CSMD1: variants seen among roughly 807,000 people sequenced by gnomAD.
CSMD1 encodes the protein CUB and sushi domain-containing protein 1.
In CSMD1, 213 loss-of-function variants were observed where a neutral mutation model predicts 417.5. The ratio of observed to expected loss-of-function variants is 0.51; its 90% CI spans 0.46 to 0.57. The LOEUF is 0.57. CSMD1 is among the 20% of genes least tolerant of loss of function. The pLI, the probability that CSMD1 is intolerant of heterozygous loss-of-function variation, is 0.00. For synonymous variants in CSMD1, 2,862 were observed against 1,736.8 expected (o/e 1.65, Z -16.11); for missense variants, 6,923 against 4,529.7 (o/e 1.53, Z -15.17).
At chr8:4,597,329 T>C (rs531621945) in intron 2 of CSMD1, among the ~76,000 whole-genome samples, 40 of 152,254 alleles carry the variant, frequency 2.6e-4, no homozygotes, top group Non-Finnish European at 4.6e-4. Context: ...CCCTTTCAAA[T>C]AAGCAGGAGA....
At chr8:2,965,030 C>T (rs1803838064) in intron 59 of CSMD1, among the ~76,000 whole-genome samples, 1 of 152,142 alleles carries the variant, frequency 6.6e-6, no homozygotes, top group Non-Finnish European at 1.5e-5. Context: ...TCAAGCCCCT[C>T]TCTCCCCCTC....
At chr8:4,590,382 C>A (rs541914410) in intron 2 of CSMD1, among the ~76,000 whole-genome samples, 86 of 152,092 alleles carry the variant, frequency 5.7e-4, no homozygotes, top group African/African-American at 2.0e-3. Flanking sequence ...AATCAACATG[C>A]GAAGATACTG....
chr8:4,618,633 C>G (rs1326562366), intron 2 of CSMD1, among the ~76,000 whole-genome samples: 1 of 151,992 alleles, frequency 6.6e-6, no homozygotes, highest in Admixed American at 6.6e-5. Flanking sequence ...GAAATGAATG[C>G]CTTGGGAAAC....
At chr8:4,013,300 C>T (rs1009534696) in intron 4 of CSMD1, among the ~76,000 whole-genome samples, 2 of 152,148 alleles carry the variant, frequency 1.3e-5, no homozygotes, top group Admixed American at 6.5e-5. Context: ...ACTGCCGTTG[C>T]TCTATTCTTC....
At chr8:4,622,805 A>C (rs981091803) in intron 2 of CSMD1, among the ~76,000 whole-genome samples, 2 of 152,184 alleles carry the variant, frequency 1.3e-5, no homozygotes, top group African/African-American at 4.8e-5. Flanking sequence ...AAGAAGGCAC[A>C]AAAGGGAAAG....
intron 5 of CSMD1, among the ~76,000 whole-genome samples, chr8:3,809,828 G>C (rs914393203): frequency 2.0e-5 from 3 of 152,116 alleles, no homozygotes; most frequent in African/African-American, 7.2e-5. Flanking sequence ...TACTGAAAAC[G>C]CAAGAATGCA....
At chr8:3,170,246 G>C (rs776296691) in intron 37 of CSMD1, among the ~76,000 whole-genome samples, 11 of 151,834 alleles carry the variant, frequency 7.2e-5, no homozygotes, top group East Asian at 1.9e-4. Context: ...CTCGCTCTGT[G>C]GCCCAGGCTG....
intron 1 of CSMD1, among the ~76,000 whole-genome samples, chr8:4,975,819 C>CAA (rs1441203678): frequency 5.3e-4 from 78 of 147,286 alleles, no homozygotes; most frequent in African/African-American, 1.9e-3. Context: ...ATTTTTTTTG[C>CAA]AATAATAGAA....
intron 5 of CSMD1, among the ~76,000 whole-genome samples, chr8:3,910,843 A>G (rs888849023): frequency 6.6e-5 from 10 of 152,134 alleles, no homozygotes; most frequent in African/African-American, 2.2e-4. Context: ...TCTCTATCTT[A>G]TTTCTGCCTT....
At chr8:4,799,354 G>C (rs1163143232) in intron 1 of CSMD1, among the ~76,000 whole-genome samples, 2 of 152,004 alleles carry the variant, frequency 1.3e-5, no homozygotes, top group Non-Finnish European at 2.9e-5. Context: ...ACAATGACGA[G>C]TAATTTTAGC....
chr8:3,586,822 C>A (rs927483001), intron 8 of CSMD1, among the ~76,000 whole-genome samples: 2 of 152,152 alleles, frequency 1.3e-5, no homozygotes, highest in African/African-American at 2.4e-5. Flanking sequence ...TGTTTTGAGA[C>A]AGAGTCTCAC....
At chr8:3,557,890 G>C (rs948986820) in intron 10 of CSMD1, among the ~76,000 whole-genome samples, 6 of 152,146 alleles carry the variant, frequency 3.9e-5, no homozygotes, top group Non-Finnish European at 8.8e-5. Flanking sequence ...ATTTGGATCA[G>C]ATAATAAGTT....
intron 12 of CSMD1, among the ~76,000 whole-genome samples, chr8:3,451,160 T>C (rs1247212790): frequency 2.0e-5 from 3 of 152,116 alleles, no homozygotes; most frequent in African/African-American, 7.2e-5. Context: ...TTTGATGGGG[T>C]TGCTTGTTTT....
chr8:3,747,943 C>G (rs970806678), intron 6 of CSMD1, among the ~76,000 whole-genome samples: 6 of 152,052 alleles, frequency 3.9e-5, no homozygotes, highest in Non-Finnish European at 1.5e-5. Context: ...AACCCTTGTC[C>G]CACTTTTCTT....
At chr8:2,959,089 G>A (rs149170542) in intron 62 of CSMD1, among the ~76,000 whole-genome samples, 4 of 152,308 alleles carry the variant, frequency 2.6e-5, no homozygotes, top group Non-Finnish European at 5.9e-5. Context: ...ACTCTTGATT[G>A]ATTGATTGAT....
intron 3 of CSMD1, among the ~76,000 whole-genome samples, chr8:4,342,778 G>C (rs1038372396): frequency 3.9e-5 from 6 of 151,998 alleles, no homozygotes; most frequent in African/African-American, 1.2e-4. Flanking sequence ...AATAATACAA[G>C]CTCAAGGGAC....
intron 4 of CSMD1, among the ~76,000 whole-genome samples, chr8:4,018,900 T>C (rs1019742288): frequency 1.3e-5 from 2 of 152,174 alleles, no homozygotes; most frequent in African/African-American, 4.8e-5. Flanking sequence ...ATATAACTTC[T>C]AGACTTGTCA....
intron 5 of CSMD1, among the ~76,000 whole-genome samples, chr8:3,866,069 A>C (rs796856286): frequency 7.9e-5 from 12 of 152,334 alleles, no homozygotes; most frequent in African/African-American, 2.4e-4. Flanking sequence ...AATGTCTTTA[A>C]AAATTCTATT....
At chr8:4,868,430 T>C (rs1403421738) in intron 1 of CSMD1, among the ~76,000 whole-genome samples, 2 of 151,904 alleles carry the variant, frequency 1.3e-5, no homozygotes, top group African/African-American at 4.8e-5. Flanking sequence ...AGACCGGGGT[T>C]TTGCCACATT....
Sources: gnomAD v4.1 joint callset for allele counts (sites outside exome capture counted in the v4.1 genomes callset) on GRCh38, gnomAD v4.1.1 for gene constraint, MANE v1.5 for transcripts, NCBI Gene and HGNC (gene_info 2026-07-23, HGNC 2026-07-21) for gene names.